The following PLD5 variants were observed in gnomAD, a reference collection of about 807,000 sequenced individuals.
The protein encoded by PLD5 is phospholipase D family member 5.
Under a neutral mutation model 61.1 loss-of-function variants are expected in PLD5, and 36 were observed. The ratio of observed to expected loss-of-function variants is 0.59; its 90% CI spans 0.45 to 0.78. PLD5 has a LOEUF of 0.78. Ranked by LOEUF, PLD5 falls within the 30% of genes least tolerant of loss-of-function variation. The probability of loss-of-function intolerance (pLI) is 0.00; values close to 1 mark genes in which losing one functional copy is unlikely to be tolerated. For synonymous variants in PLD5, 243 were observed against 242.8 expected, an observed-to-expected ratio of 1.00 and a Z score of -0.01; for missense variants, 515 against 644.4, an observed-to-expected ratio of 0.80 and a Z score of 2.17.
At chr1:242,135,535 CT>C (rs1663649097) in intron 5 of PLD5, among the ~76,000 whole-genome samples, 1 of 152,236 alleles carries the variant, frequency 6.6e-6, no homozygotes, top group Non-Finnish European at 1.5e-5. Context: ...GCCCATCTAC[CT>C]GTTTTCCATT....
intron 1 of PLD5, among the ~76,000 whole-genome samples, chr1:242,369,453 T>C (rs560318972): frequency 1.4e-4 from 22 of 152,280 alleles, no homozygotes; most frequent in Middle Eastern, 3.4e-3. Context: ...GCAGCATTAT[T>C]TGTGAAAAAA....
At chr1:242,344,938 G>GC (rs1393561136) in intron 2 of PLD5, among the ~76,000 whole-genome samples, 1 of 152,190 alleles carries the variant, frequency 6.6e-6, no homozygotes, top group Non-Finnish European at 1.5e-5. Context: ...TTCTTACATG[G>GC]CAGTGGCAAG....
chr1:242,433,925 G>A (rs1665857010), intron 1 of PLD5, among the ~76,000 whole-genome samples: 1 of 152,210 alleles, frequency 6.6e-6, no homozygotes, highest in Non-Finnish European at 1.5e-5. Context: ...GTAAGTAAGG[G>A]AGACTGACAG....
chr1:242,444,363 G>T (rs1369656529), intron 1 of PLD5, among the ~76,000 whole-genome samples: 1 of 152,020 alleles, frequency 6.6e-6, no homozygotes, highest in African/African-American at 2.4e-5. Context: ...TACCGGAGAA[G>T]AGGGAGGTAT....
chr1:242,208,162 T>C (rs911325492), intron 5 of PLD5, among the ~76,000 whole-genome samples: 2 of 151,018 alleles, frequency 1.3e-5, no homozygotes, highest in Non-Finnish European at 2.9e-5. Flanking sequence ...GCTAAGATTA[T>C]AGGCACACAC....
intron 1 of PLD5, among the ~76,000 whole-genome samples, chr1:242,473,937 C>A (rs998665027): frequency 1.3e-5 from 2 of 151,920 alleles, no homozygotes; most frequent in Admixed American, 1.3e-4. Context: ...TTCCATTACC[C>A]GAGACAATAG....
rs1411700201 is a variant in PLD5 at position 242,207,974 on chromosome 1, T to A, written c.735+12014A>T. Among the ~76,000 whole-genome samples the A allele has an allele frequency of 2.0e-4, 7 of 35,268 alleles. 1 individual carries two copies. Among genetic ancestry groups the A allele is most frequent in the African/African-American group, 5.0e-4 (5 of 10,026 alleles). The allele number at this position is 35,268 out of a possible 152,430, so 23.1% of individuals were successfully genotyped here. On this transcript the variant is annotated intron_variant, in intron 5 of 9. Transcript: ENST00000536534. ...TTTATTTATATATATTTATATATAT[T>A]TTTATATATATATTTATACACACAC...
intron 2 of PLD5, among the ~76,000 whole-genome samples, chr1:242,343,181 C>A (rs368125574): frequency 6.6e-6 from 1 of 151,742 alleles, no homozygotes; most frequent in East Asian, 1.9e-4. Flanking sequence ...TGCTGACAGA[C>A]TGTAAATGTT....
intron 1 of PLD5, among the ~76,000 whole-genome samples, chr1:242,350,978 C>A (rs1206689330): frequency 6.6e-6 from 1 of 151,616 alleles, no homozygotes; most frequent in African/African-American, 2.4e-5. Flanking sequence ...CACCGCTCAC[C>A]GCAACCTCTA....
chr1:242,157,250 C>G (rs564920210), intron 5 of PLD5, among the ~76,000 whole-genome samples: 2 of 152,162 alleles, frequency 1.3e-5, no homozygotes, highest in African/African-American at 4.8e-5. Context: ...GTTAGCAATT[C>G]GTCTAACCTT....
At chr1:242,192,191 T>A (rs1202812418) in intron 5 of PLD5, 1 of 152,344 alleles carries the variant, frequency 6.6e-6, no homozygotes, top group African/African-American at 2.4e-5. Flanking sequence ...CATGTCCCCA[T>A]CAGCCACTTG....
intron 1 of PLD5, among the ~76,000 whole-genome samples, chr1:242,494,561 T>C (rs1668299384): frequency 6.6e-6 from 1 of 152,108 alleles, no homozygotes; most frequent in African/African-American, 2.4e-5. Flanking sequence ...CCAACATATC[T>C]ACCTCTGCAC....
chr1:242,281,580 T>C (rs906948389), intron 3 of PLD5, among the ~76,000 whole-genome samples: 1 of 152,150 alleles, frequency 6.6e-6, no homozygotes, highest in Non-Finnish European at 1.5e-5. Flanking sequence ...CATTAAATGA[T>C]AGTGTTCTAA....
In PLD5 at chr1:242,090,157, G is replaced by T. The variant is rs919119192; in HGVS notation, c.1355-47C>A. Reference sequence around the variant, plus strand: ...ATGTTGAGGAGTTAGAGTCCACTGGGAACATACCCAATATAATGAAATTCA... The same window carrying T: ...ATGTTGAGGAGTTAGAGTCCACTGGTAACATACCCAATATAATGAAATTCA... On this transcript the variant is annotated intron_variant, in intron 9 of 9. Coordinates refer to ENST00000536534, the MANE Select transcript of PLD5 (RefSeq NM_001372062.1). 2.5e-6 allele frequency: 4 copies of T among 1,599,412 alleles called. No individual in the cohort carries two copies. The Admixed American group carries it at 6.7e-5, about 27-fold the overall frequency.
chr1:242,117,122 T>G (rs1662004630), intron 6 of PLD5, among the ~76,000 whole-genome samples: 1 of 152,174 alleles, frequency 6.6e-6, no homozygotes, highest in South Asian at 2.1e-4. Flanking sequence ...AACTGACTCC[T>G]GGTTTCTCAG....
chr1:242,467,806 A>C (rs1293691382), intron 1 of PLD5, among the ~76,000 whole-genome samples: 1 of 152,174 alleles, frequency 6.6e-6, no homozygotes, highest in Non-Finnish European at 1.5e-5. Context: ...GCACCATCCC[A>C]AAATGGCCTT....
rs1662025573 is a variant in PLD5, at chr1:242,377,387, T to C, written c.190-29145A>G. ...AGGGAGACCTGAACTCCAAAACTGG[T>C]TCTTCTAACTTCCGCTTGGGACTGG... On this transcript the variant is annotated intron_variant, in intron 1 of 9. Coordinates refer to ENST00000536534, the MANE Select transcript of PLD5 (RefSeq NM_001372062.1). 1.4e-6 allele frequency: 2 copies of C among 1,382,822 alleles called. 1 individual carries two copies. The highest frequency in any genetic ancestry group is 3.5e-5 in the Admixed American group (2 of 57,818). The allele number at this position is 1,382,822 out of a possible 1,614,324, so 85.7% of individuals were successfully genotyped here.
Position 242,506,276 on chromosome 1 carries a change from T to C in PLD5, c.189+17812A>G, listed in dbSNP as rs548903107. 4.6e-5 allele frequency among the ~76,000 whole-genome samples: 7 copies of C among 152,264 alleles called. No individual in the cohort carries two copies. In the East Asian group the frequency reaches 1.4e-3, roughly 29 times the overall value. ...CTATATCTAGGAAATTAAACTTAAG[T>C]TACATATTATCTGTTCTCTAGTTGG... On this transcript the variant is annotated intron_variant, in intron 1 of 9. Transcript: ENST00000536534.
In PLD5 at chr1:242,303,535, A is replaced by G. The variant is rs189530533; in HGVS notation, c.327-15005T>C. Among the ~76,000 whole-genome samples, 97 of 152,362 alleles carry G rather than the reference A, an allele frequency of 6.4e-4. 1 individual carries two copies. Among genetic ancestry groups the G allele is most frequent in the African/African-American group, 2.1e-3 (87 of 41,594 alleles). ...GTTTGCCTTAGGGCCTCCGAACTGT[A>G]CTTGGTAGAAGACACAGGAGGTTGG... On this transcript the variant is annotated intron_variant, in intron 2 of 9. Transcript: ENST00000536534.
Sources: gnomAD v4.1 joint callset for allele counts (sites outside exome capture counted in the v4.1 genomes callset) on GRCh38, gnomAD v4.1.1 for gene constraint, MANE v1.5 for transcripts, NCBI Gene and HGNC (gene_info 2026-07-23, HGNC 2026-07-21) for gene names.